The following BICRAL variants were observed in gnomAD, a reference collection of about 807,000 sequenced individuals.
BICRAL encodes BRD4-interacting chromatin-remodeling complex-associated protein-like.
In BICRAL, 8 loss-of-function variants were observed where a neutral mutation model predicts 91.8. That is an observed-to-expected ratio of 0.09 (90% confidence interval 0.05 to 0.16). BICRAL has a LOEUF of 0.16. Ranked by LOEUF, BICRAL falls within the 10% of genes least tolerant of loss-of-function variation. The pLI, the probability that BICRAL is intolerant of heterozygous loss-of-function variation, is 1.00. For missense variants in BICRAL, 1,038 were observed against 1,310.9 expected, an observed-to-expected ratio of 0.79 and a Z score of 3.21; for synonymous variants, 445 against 491.1, an observed-to-expected ratio of 0.91 and a Z score of 1.24.
intron 6 of BICRAL, among the ~76,000 whole-genome samples, chr6:42,846,415 A>G (rs1023414099): frequency 6.6e-6 from 1 of 152,048 alleles, no homozygotes; most frequent in African/African-American, 2.4e-5. Context: ...AAATAAATAA[A>G]TAAAGAGTTA....
Position 42,821,718 on chromosome 6 carries a change from A to C in BICRAL, c.-5-300A>C, listed in dbSNP as rs754639570. ...TTGAGGAAGTTACTGTTCATGGTTT[A>C]TAGCCCCTTGGGGGAATCTGCATGT... On this transcript the variant is annotated intron_variant, in intron 2 of 12. Transcript: ENST00000314073. 5.3e-4 allele frequency among the ~76,000 whole-genome samples: 81 copies of C among 152,224 alleles called. 1 individual carries two copies. The highest frequency in any genetic ancestry group is 1.0e-3 in the Non-Finnish European group (71 of 68,038).
intron 5 of BICRAL, among the ~76,000 whole-genome samples, chr6:42,826,039 G>A (rs1390557845): frequency 3.3e-5 from 5 of 151,904 alleles, no homozygotes; most frequent in Admixed American, 1.3e-4. Flanking sequence ...AGTCGAGATC[G>A]GGCCACTGCA....
chr6:42,761,050 A>G (rs1000032114), intron 1 of BICRAL, among the ~76,000 whole-genome samples: 1 of 151,440 alleles, frequency 6.6e-6, no homozygotes, highest in Non-Finnish European at 1.5e-5. Context: ...TGTCTCAAAT[A>G]AAAAAAAAGG....
At chr6:42,786,774 C>T (rs1462591270) in intron 1 of BICRAL, among the ~76,000 whole-genome samples, 1 of 152,076 alleles carries the variant, frequency 6.6e-6, no homozygotes, top group African/African-American at 2.4e-5. Context: ...ATGTGAAAAG[C>T]TGGGGAGACA....
intron 6 of BICRAL, among the ~76,000 whole-genome samples, chr6:42,841,106 A>G (rs1266697706): frequency 8.5e-6 from 1 of 117,426 alleles, no homozygotes; most frequent in Non-Finnish European, 1.7e-5. Flanking sequence ...AAAAATTGAA[A>G]GCGGCTGAGC....
At chr6:42,853,588 C>T in intron 7 of BICRAL, 50 bp from the exon 8 acceptor site, 1 of 1,354,566 alleles carries the variant, frequency 7.4e-7, no homozygotes, top group Non-Finnish European at 1.1e-6. Flanking sequence ...ATATGATGGA[C>T]CCAATTTACT....
intron 1 of BICRAL, among the ~76,000 whole-genome samples, chr6:42,766,700 G>A (rs891722797): frequency 6.6e-6 from 1 of 152,070 alleles, no homozygotes; most frequent in Non-Finnish European, 1.5e-5. Context: ...TTAGCTGGGT[G>A]TGGTGGTGAG....
upstream of BICRAL, among the ~76,000 whole-genome samples, chr6:42,780,213 T>C (rs181721111): frequency 2.6e-5 from 4 of 152,288 alleles, no homozygotes; most frequent in Admixed American, 2.0e-4. Context: ...ACTAAAAAGA[T>C]CTTCTGTGTT....
intron 12 of BICRAL, among the ~76,000 whole-genome samples, chr6:42,863,284 A>G (rs946022749): frequency 3.3e-5 from 5 of 151,958 alleles, no homozygotes; most frequent in African/African-American, 1.2e-4. Flanking sequence ...TCCTGACCTC[A>G]TGATCCGCCT....
At chr6:42,835,136 C>CTTT (rs71305782) in intron 6 of BICRAL, among the ~76,000 whole-genome samples, 1 of 148,100 alleles carries the variant, frequency 6.8e-6, no homozygotes. Flanking sequence ...ACCCTTTTTT[C>CTTT]TTTTTTTTTT....
chr6:42,812,442 TTTAAG>T (rs757098957), intron 2 of BICRAL, among the ~76,000 whole-genome samples: 13 of 152,234 alleles, frequency 8.5e-5, no homozygotes, highest in Admixed American at 3.9e-4. Context: ...AAAAAATTTG[TTTAAG>T]TTGTTACTAT....
In BICRAL at chr6:42,865,011, C is replaced by T. The variant is rs1185223831; in HGVS notation, c.2805C>T (p.Pro935=). ...REPLKASQCS[P]GPEGHRKTSS... is the part of the protein sequence containing the mutation. Reference sequence around the variant, plus strand: ...CTCTGAAGGCCAGTCAGTGCTCTCCCGGCCCTGAGGGGCACCGGAAAACCT... The same window carrying T: ...CTCTGAAGGCCAGTCAGTGCTCTCCTGGCCCTGAGGGGCACCGGAAAACCT... The change falls in exon 13 of 13, where the codon CCC becomes CCT. Residue 935 remains proline (P), a synonymous_variant. Coordinates refer to ENST00000314073, the MANE Select transcript of BICRAL (RefSeq NM_001393499.1). 5.6e-6 allele frequency: 9 copies of T among 1,613,910 alleles called. No individual in the cohort carries two copies. The highest frequency in any genetic ancestry group is 1.3e-5 in the African/African-American group (1 of 74,936).
chr6:42,800,499 G>C (rs1763534406), intron 1 of BICRAL, among the ~76,000 whole-genome samples: 1 of 151,656 alleles, frequency 6.6e-6, no homozygotes, highest in African/African-American at 2.4e-5. Flanking sequence ...AAGCACTCTT[G>C]TTTTCTCCTT....
At chr6:42,836,862 C>T (rs1450254816) in intron 6 of BICRAL, among the ~76,000 whole-genome samples, 1 of 151,684 alleles carries the variant, frequency 6.6e-6, no homozygotes, top group South Asian at 2.1e-4. Context: ...CCTAGTGCTC[C>T]ACCTGCCTCG....
chr6:42,845,251 A>G (rs1764970659), intron 6 of BICRAL, among the ~76,000 whole-genome samples: 1 of 56,590 alleles, frequency 1.8e-5, no homozygotes, highest in African/African-American at 6.4e-5. Flanking sequence ...TTTTTTTTAG[A>G]CAGAGTTTCA....
intron 5 of BICRAL, among the ~76,000 whole-genome samples, chr6:42,823,876 A>T (rs529348137): frequency 6.6e-6 from 1 of 152,038 alleles, no homozygotes; most frequent in Admixed American, 6.5e-5. Flanking sequence ...GTGAGCCGAG[A>T]TCCCGCCACT....
At chr6:42,800,174 C>T (rs966485312) in intron 1 of BICRAL, among the ~76,000 whole-genome samples, 7 of 152,150 alleles carry the variant, frequency 4.6e-5, no homozygotes, top group African/African-American at 1.7e-4. Context: ...AAGTGATTCT[C>T]CTGCCTCATC....
intron 1 of BICRAL, among the ~76,000 whole-genome samples, chr6:42,776,418 G>T (rs889692830): frequency 6.6e-6 from 1 of 151,798 alleles, no homozygotes; most frequent in Middle Eastern, 3.2e-3. Flanking sequence ...CTTGATCATG[G>T]CTCACTACAG....
chr6:42,811,694 T>C (rs1582836929), intron 2 of BICRAL, among the ~76,000 whole-genome samples: 1 of 151,096 alleles, frequency 6.6e-6, no homozygotes, highest in Non-Finnish European at 1.5e-5. Flanking sequence ...TGCACTCCAC[T>C]CTACTATCTG....
Sources: allele counts gnomAD v4.1 joint callset (sites outside exome capture counted in the v4.1 genomes callset), GRCh38; gene constraint gnomAD v4.1.1; transcripts MANE v1.5; gene names NCBI Gene and HGNC (gene_info 2026-07-23, HGNC 2026-07-21).